RFTN1: variants seen among roughly 807,000 people sequenced by gnomAD.
RFTN1 encodes the protein raftlin, lipid raft linker 1.
Under a neutral mutation model 46.5 loss-of-function variants are expected in RFTN1, and 26 were observed. The ratio of observed to expected loss-of-function variants is 0.56; its 90% CI spans 0.41 to 0.78. RFTN1 has a LOEUF of 0.78. RFTN1 is among the 30% of genes least tolerant of loss of function. The pLI is 0.00. For synonymous variants in RFTN1, 261 were observed against 284.2 expected, an observed-to-expected ratio of 0.92 and a Z score of 0.82; for missense variants, 693 against 718.7, an observed-to-expected ratio of 0.96 and a Z score of 0.41.
Position 16,435,917 on chromosome 3 carries a change from A to AATATATATATATATATATAT in RFTN1, c.146-1900_146-1881dup, listed in dbSNP as rs10575645. Among the ~76,000 whole-genome samples the AATATATATATATATATATAT allele has an allele frequency of 1.0e-3, 142 of 142,326 alleles. 3 individuals carry two copies. Among genetic ancestry groups the AATATATATATATATATATAT allele is most frequent in the African/African-American group, 3.5e-3 (132 of 37,752 alleles). 93.4% of individuals were successfully genotyped at this position (142,326 alleles called of 152,430 possible). On this transcript the variant is annotated intron_variant, in intron 2 of 9. Coordinates refer to ENST00000334133, the MANE Select transcript of RFTN1 (RefSeq NM_015150.2). Reference sequence around the variant, plus strand: ...AAATAAATAAAAAATCAGAGATGTAAATATATATATATATATATATATATA... The same window carrying AATATATATATATATATATAT: ...AAATAAATAAAAAATCAGAGATGTAAATATATATATATATATATATATATATATATATATATATATATATA...
chr3:16,409,821 A>G (rs1275688529), intron 3 of RFTN1, among the ~76,000 whole-genome samples: 2 of 151,518 alleles, frequency 1.3e-5, no homozygotes, highest in East Asian at 3.9e-4. Context: ...AGTAGCTGGG[A>G]CTACAGGCGC....
intron 1 of RFTN1, among the ~76,000 whole-genome samples, chr3:16,503,464 G>A (rs2076748224): frequency 6.6e-6 from 1 of 152,136 alleles, no homozygotes; most frequent in African/African-American, 2.4e-5. Flanking sequence ...TAGGGGTGGG[G>A]CCAGAGCACC....
Position 16,317,668 on chromosome 3 carries a change from C to A in RFTN1, c.1333-436G>T, listed in dbSNP as rs2068562177. 6.6e-6 allele frequency among the ~76,000 whole-genome samples: 1 copy of A among 152,182 alleles called. No individual in the cohort carries two copies. The highest frequency in any genetic ancestry group is 2.4e-5 in the African/African-American group (1 of 41,428). On this transcript the variant is annotated intron_variant, in intron 9 of 9. Transcript: ENST00000334133. This position sits in a 1 kb window ranked among gnomAD's most constrained non-coding sequence, Gnocchi z 4.3. The stretch of plus-strand genomic sequence containing the variant: ...ACCAGGCACGGGGCTGGCATTCTCT[C>A]ACTAGGTCACCTGAGTAAGGCAGGG...
At chr3:16,394,438 G>T (rs2074422157) in intron 4 of RFTN1, among the ~76,000 whole-genome samples, 1 of 152,150 alleles carries the variant, frequency 6.6e-6, no homozygotes, top group African/African-American at 2.4e-5. Context: ...GAACACCAAT[G>T]AACCACTGTG....
chr3:16,328,573 C>T lies in RFTN1; in HGVS notation c.1147-1697G>A, dbSNP rs1574988011. Among the ~76,000 whole-genome samples the T allele has an allele frequency of 3.3e-5, 5 of 152,330 alleles. No homozygotes were observed. The South Asian group carries it at 1.0e-3, about 32-fold the overall frequency. On this transcript the variant is annotated intron_variant, in intron 7 of 9. Coordinates refer to ENST00000334133, the MANE Select transcript of RFTN1 (RefSeq NM_015150.2). Reference sequence around the variant, plus strand: ...ATCCCTTGGCAGCCTCCCTTTCCTCCGCTGTATAAAATGGGTACTGGTCTA... The same window carrying T: ...ATCCCTTGGCAGCCTCCCTTTCCTCTGCTGTATAAAATGGGTACTGGTCTA...
chr3:16,330,240 G>A (rs2070174554), intron 7 of RFTN1, among the ~76,000 whole-genome samples: 1 of 152,200 alleles, frequency 6.6e-6, no homozygotes, highest in South Asian at 2.1e-4. Context: ...GGGGTGAGAT[G>A]TTGCACTCTG....
In RFTN1 at chr3:16,448,364, A is replaced by T. The variant is rs1213946181; in HGVS notation, c.146-14327T>A. On this transcript the variant is annotated intron_variant, in intron 2 of 9. Transcript: ENST00000334133. The surrounding 1 kb of genome is among the most constrained non-coding windows in gnomAD (Gnocchi z 4.1). Reference sequence around the variant, plus strand: ...ATGCATTTTCTTACAGTCCAAAAAAAAACATGATCCCTTGTTGACTTTTAT... The same window carrying T: ...ATGCATTTTCTTACAGTCCAAAAAATAACATGATCCCTTGTTGACTTTTAT... Among the ~76,000 whole-genome samples, 3 of 152,192 alleles carry T rather than the reference A, an allele frequency of 2.0e-5. No homozygotes were observed. The highest frequency in any genetic ancestry group is 1.3e-4 in the Admixed American group (2 of 15,274).
At chr3:16,414,244 A>G (rs1261398424) in intron 3 of RFTN1, among the ~76,000 whole-genome samples, 1 of 152,032 alleles carries the variant, frequency 6.6e-6, no homozygotes, top group East Asian at 1.9e-4. Flanking sequence ...GACAATAAGC[A>G]ATAGACATGC....
rs17200327 is a variant in RFTN1, at chr3:16,458,543, T to C, written c.146-24506A>G. On this transcript the variant is annotated intron_variant, in intron 2 of 9. Transcript: ENST00000334133. This position sits in a 1 kb window ranked among gnomAD's most constrained non-coding sequence, Gnocchi z 5.1. ...TCCTTTTGCAGTAGCTTTTCAATAG[T>C]GGATCTTTATTGAGCTTTTCCATCT... 0.033 allele frequency among the ~76,000 whole-genome samples: 5,039 copies of C among 152,340 alleles called. 130 individuals are homozygous for C. The highest frequency in any genetic ancestry group is 0.061 in the Middle Eastern group (18 of 294).
In RFTN1 at chr3:16,428,611, T is replaced by C. The variant is rs367815144; in HGVS notation, c.332+5240A>G. Among the ~76,000 whole-genome samples the C allele has an allele frequency of 4.1e-4, 63 of 152,328 alleles. No homozygotes were observed. Among genetic ancestry groups the C allele is most frequent in the African/African-American group, 1.4e-3 (59 of 41,576 alleles). ...CAGAGCTCCCTAGTATGCTGGTCCC[T>C]GTACCATGTAAGGCATTACTCTACG... On this transcript the variant is annotated intron_variant, in intron 3 of 9. Transcript: ENST00000334133. This position sits in a 1 kb window ranked among gnomAD's most constrained non-coding sequence, Gnocchi z 4.7.
At chr3:16,390,558 C>A in intron 4 of RFTN1, among the ~76,000 whole-genome samples, 1 of 152,200 alleles carries the variant, frequency 6.6e-6, no homozygotes, top group Non-Finnish European at 1.5e-5. Context: ...AGGCTTAGTT[C>A]TTGTTTATCA....
At chr3:16,349,385 T>TAC (rs2071942344) in intron 7 of RFTN1, 1 of 152,012 alleles carries the variant, frequency 6.6e-6, no homozygotes, top group Non-Finnish European at 1.5e-5. Flanking sequence ...CAGAAGGGGG[T>TAC]ACCTGAGCCT....
Position 16,471,762 on chromosome 3 carries a change from T to C in RFTN1, c.145+21963A>G, listed in dbSNP as rs182023180. Among the ~76,000 whole-genome samples, 324 of 152,344 alleles carry C rather than the reference T, an allele frequency of 2.1e-3. 1 individual carries two copies. The highest frequency in any genetic ancestry group is 6.2e-3 in the Admixed American group (95 of 15,306). Reference sequence around the variant, plus strand: ...TAGCTCTGTCATGGCACAAGTTTGATCAAAAAATTATGAATTTTAGAAATC... The same window carrying C: ...TAGCTCTGTCATGGCACAAGTTTGACCAAAAAATTATGAATTTTAGAAATC... On this transcript the variant is annotated intron_variant, in intron 2 of 9. Transcript: ENST00000334133.
rs2074211096 is a variant in RFTN1 at position 16,387,259 on chromosome 3, G to A, written c.442-9157C>T. On this transcript the variant is annotated intron_variant, in intron 4 of 9. Transcript: ENST00000334133. This position sits in a 1 kb window ranked among gnomAD's most constrained non-coding sequence, Gnocchi z 5.2. ...CTCAAGGTCTCCCGCCAAGGCTGAG[G>A]CCACACGGCCACCCTGCAGTGGCTC... Among the ~76,000 whole-genome samples, 1 of 152,232 alleles carries A rather than the reference G, an allele frequency of 6.6e-6. No homozygotes were observed. The highest frequency in any genetic ancestry group is 2.4e-5 in the African/African-American group (1 of 41,466).
intron 2 of RFTN1, among the ~76,000 whole-genome samples, chr3:16,464,920 T>C (rs1205262710): frequency 1.3e-5 from 2 of 152,230 alleles, no homozygotes; most frequent in Non-Finnish European, 2.9e-5. Context: ...AAGTTAACTT[T>C]GGAGAGAAGA....
At position 16,376,344 on chromosome 3, in the gene RFTN1, C is replaced by A. The variant is rs13322721; in HGVS notation, c.826+1374G>T. 0.01 allele frequency among the ~76,000 whole-genome samples: 1,531 copies of A among 152,258 alleles called. 19 individuals are homozygous for A. The highest frequency in any genetic ancestry group is 0.035 in the African/African-American group (1,456 of 41,528). ...GGAATGTATACTCTAGATTCTTGAG[C>A]ACCATGCTCCTCACCTCTCCATCAC... On this transcript the variant is annotated intron_variant, in intron 5 of 9. Coordinates refer to ENST00000334133, the MANE Select transcript of RFTN1 (RefSeq NM_015150.2). The surrounding 1 kb of genome is among the most constrained non-coding windows in gnomAD (Gnocchi z 4.7).
chr3:16,415,866 A>C (rs1424416541), intron 3 of RFTN1, among the ~76,000 whole-genome samples: 2 of 152,138 alleles, frequency 1.3e-5, no homozygotes, highest in Non-Finnish European at 2.9e-5. Context: ...AATTTAATCC[A>C]CCCTATGCAA....
In RFTN1 at chr3:16,426,879, G is replaced by A. The variant is rs1019017636; in HGVS notation, c.332+6972C>T. ...CCACTCAATTCATGCAAAATCTATT[G>A]AGCAATATCTATTCAAGGCCTGGCA... is the stretch of plus-strand genomic sequence containing the variant. On this transcript the variant is annotated intron_variant, in intron 3 of 9. Coordinates refer to ENST00000334133, the MANE Select transcript of RFTN1 (RefSeq NM_015150.2). This position sits in a 1 kb window ranked among gnomAD's most constrained non-coding sequence, Gnocchi z 5.9. Among the ~76,000 whole-genome samples, 2 of 152,116 alleles carry A rather than the reference G, an allele frequency of 1.3e-5. No individual in the cohort carries two copies. The highest frequency in any genetic ancestry group is 2.9e-5 in the Non-Finnish European group (2 of 68,030).
intron 4 of RFTN1, among the ~76,000 whole-genome samples, chr3:16,393,605 CAT>C (rs1417104126): frequency 2.0e-5 from 3 of 151,872 alleles, no homozygotes; most frequent in South Asian, 4.2e-4. Flanking sequence ...TTGGGGAAAA[CAT>C]ATTCAAAGCT....
Sources: allele counts gnomAD v4.1 joint callset (sites outside exome capture counted in the v4.1 genomes callset), GRCh38; gene constraint gnomAD v4.1.1; non-coding constraint Gnocchi (gnomAD v3.1); transcripts MANE v1.5; gene names NCBI Gene and HGNC (gene_info 2026-07-23, HGNC 2026-07-21).